The following GZF1 variants were observed in gnomAD, a reference collection of about 807,000 sequenced individuals.
GZF1 encodes GDNF inducible zinc finger protein 1.
In GZF1, 28 loss-of-function variants were observed where a neutral mutation model predicts 49.4. The ratio of observed to expected loss-of-function variants is 0.57; its 90% CI spans 0.42 to 0.78. The LOEUF is 0.78. Among genes scored for constraint, GZF1 ranks in the 30% least tolerant of loss-of-function variants. The pLI is 0.00. For synonymous variants in GZF1, 364 were observed against 356.0 expected (o/e 1.02, Z -0.25); for missense variants, 798 against 916.2 (o/e 0.87, Z 1.67).
Position 23,362,654 on chromosome 20 carries a change from C to A in GZF1, c.-22+417C>A, listed in dbSNP as rs1980815398. 2.0e-5 allele frequency: 3 copies of A among 152,124 alleles called. No individual in the cohort carries two copies. In the South Asian group the frequency reaches 6.2e-4, roughly 32 times the overall value. The allele number at this position is 152,124 out of a possible 1,614,324, so 9.4% of individuals were successfully genotyped here. On this transcript the variant is annotated intron_variant, in intron 1 of 5. Coordinates refer to ENST00000338121, the MANE Select transcript of GZF1 (RefSeq NM_022482.5). ...GGAAGGGCTCTGGCCCCGTGAGCCT[C>A]GGGGATTCAGGGGCCGCCGACGTTG...
At chr20:23,363,819 T>C (rs780215435) in intron 1 of GZF1, among the ~76,000 whole-genome samples, 17 of 152,198 alleles carry the variant, frequency 1.1e-4, no homozygotes, top group Non-Finnish European at 2.1e-4. Context: ...CTGAGGAGTT[T>C]AGGATGTTGG....
rs1036626041 is a variant in GZF1 at position 23,372,325 on chromosome 20, CAT to C, written c.*1888_*1889del. 1.6e-4 allele frequency: 24 copies of C among 152,386 alleles called. No homozygotes were observed. The highest frequency in any genetic ancestry group is 4.1e-4 in the African/African-American group (17 of 41,552). 9.4% of individuals were successfully genotyped at this position (152,386 alleles called of 1,614,324 possible). A position where few individuals can be genotyped will look rare whatever the true frequency, so the allele number is the denominator to read the frequency against. ...GCAGAAATATGATTCTTAATTGAAA[CAT>C]ATAATTTGCTTAATTACGTGAATAA... On this transcript the variant is annotated 3_prime_UTR_variant, in exon 6 of 6. Coordinates refer to ENST00000338121, the MANE Select transcript of GZF1 (RefSeq NM_022482.5).
chr20:23,364,671 T>G lies in GZF1; in HGVS notation c.288T>G (p.Thr96=). Residue 96 remains threonine (T), a synonymous_variant, in exon 2 of 6, where the codon ACT becomes ACG. Transcript: ENST00000338121. Reference sequence around the variant, plus strand: ...CTTCATTTCTTGAGTTTGTCTACACTGCAAAGGTACAGGTGGAAGAAGATC... The same window carrying G: ...CTTCATTTCTTGAGTTTGTCTACACGGCAAAGGTACAGGTGGAAGAAGATC... The part of the protein sequence containing the change: ...DFASFLEFVY[T]AKVQVEEDRV... 1.2e-6 allele frequency: 2 copies of G among 1,614,284 alleles called. No individual in the cohort carries two copies. Among genetic ancestry groups the G allele is most frequent in the Non-Finnish European group, 1.7e-6 (2 of 1,180,054 alleles).
At chr20:23,361,544 C>A (rs1009116062), upstream of GZF1, among the ~76,000 whole-genome samples, 51 of 152,284 alleles carry the variant, frequency 3.3e-4, 1 homozygote, top group African/African-American at 1.2e-3. Context: ...GCGCGCCGAG[C>A]CCCCCAGCAG....
Position 23,370,268 on chromosome 20 carries a change from G to C in GZF1, c.1963G>C (p.Asp655His), listed in dbSNP as rs1018396179. The change falls in exon 6 of 6, where the codon GAC becomes CAC. Residue 655 changes from aspartate (D) to histidine (H), a missense_variant. Asp to His is a moderately conservative substitution (Grantham distance 81). Coordinates refer to ENST00000338121, the MANE Select transcript of GZF1 (RefSeq NM_022482.5). ...TTTCCACAACCTGGCTGCAGTCCAAGACACTGTACCTACCATGCAGGAGAA... is the reference window on the plus strand; with the variant it reads ...TTTCCACAACCTGGCTGCAGTCCAACACACTGTACCTACCATGCAGGAGAA... ...GHFHNLAAVQ[D>H]TVPTMQENSS... The C allele has an allele frequency of 1.6e-5, 26 of 1,614,080 alleles. No individual in the cohort carries two copies. The highest frequency in any genetic ancestry group is 2.1e-5 in the Non-Finnish European group (25 of 1,180,038).
At chr20:23,367,179 T>A (rs1205377783) in intron 3 of GZF1, 82 bp downstream of exon 3, 2 of 1,007,330 alleles carry the variant, frequency 2.0e-6, no homozygotes, top group African/African-American at 3.2e-5. Flanking sequence ...AGTTGGCATC[T>A]ACCAAGGTGG....
At chr20:23,369,826 G>A (rs1981864103) in intron 5 of GZF1, 85 bp downstream of exon 5, 1 of 1,424,816 alleles carries the variant, frequency 7.0e-7, no homozygotes. Context: ...ATTCTCCAAG[G>A]TGGTTAGAGG....
Position 23,365,657 on chromosome 20 carries a change from A to G in GZF1, c.1274A>G (p.His425Arg). The change falls in exon 2 of 6, where the codon CAC (histidine) becomes CGC (arginine). Residue 425 changes from histidine (H) to arginine (R), a missense_variant. His to Arg is a conservative substitution (Grantham distance 29, BLOSUM62 0). This residue lies in a region of GZF1 where 446 missense variants were observed against 540.1 expected (regional missense o/e 0.83). Transcript: ENST00000338121. ...AGTTCCAAGACAGCGCTGCGGCTGC[A>G]CGAGCGCACACACACGGGAGACCGG... ...GLSSKTALRL[H>R]ERTHTGDRPY... The G allele has an allele frequency of 1.4e-5, 23 of 1,600,514 alleles. No individual in the cohort carries two copies. The highest frequency in any genetic ancestry group is 2.0e-5 in the Non-Finnish European group (23 of 1,178,404).
intron 5 of GZF1, 141 bp downstream of exon 5, chr20:23,369,882 C>T (rs1425197989): frequency 3.8e-5 from 39 of 1,015,440 alleles, no homozygotes; most frequent in Admixed American, 1.9e-4. Flanking sequence ...TGCAGTGGAA[C>T]GCTCACGGAA....
intron 2 of GZF1, 35 bp from the exon 3 acceptor site, chr20:23,366,968 C>T (rs1313962005): frequency 7.0e-7 from 1 of 1,425,438 alleles, no homozygotes; most frequent in Non-Finnish European, 9.9e-7. Context: ...CTTTGAAATA[C>T]ATCCTAAGTT....
At position 23,365,459 on chromosome 20, in the gene GZF1, A is replaced by C; in HGVS notation, c.1076A>C (p.Asn359Thr). The change falls in exon 2 of 6, where the codon AAC becomes ACC. Residue 359 changes from asparagine (N) to threonine (T), a missense_variant. Around this residue, in one of 3 missense-constraint regions of GZF1, gnomAD observed 446 missense variants for 540.1 expected, o/e 0.83. Coordinates refer to ENST00000338121, the MANE Select transcript of GZF1 (RefSeq NM_022482.5). Reference protein sequence around the residue: ...RCDTCGQTFANRCNLKSHQRH... With the variant: ...RCDTCGQTFATRCNLKSHQRH... Reference sequence around the variant, plus strand: ...GACACCTGCGGCCAGACCTTCGCCAACCGCTGCAACCTGAAGAGCCACCAG... The same window carrying C: ...GACACCTGCGGCCAGACCTTCGCCACCCGCTGCAACCTGAAGAGCCACCAG... The C allele has an allele frequency of 6.2e-7, 1 of 1,613,794 alleles. No homozygotes were observed. Among genetic ancestry groups the C allele is most frequent in the Non-Finnish European group, 8.5e-7 (1 of 1,180,034 alleles).
chr20:23,366,126 TG>T (rs1321017850), intron 2 of GZF1, among the ~76,000 whole-genome samples: 1 of 152,188 alleles, frequency 6.6e-6, no homozygotes, highest in East Asian at 1.9e-4. Context: ...GAGACCTCAG[TG>T]AGATGCCATT....
At position 23,370,241 on chromosome 20, in the gene GZF1, C is replaced by T. The variant is rs1490695213; in HGVS notation, c.1936C>T (p.His646Tyr). 1.2e-6 allele frequency: 2 copies of T among 1,614,176 alleles called. No homozygotes were observed. Among genetic ancestry groups the T allele is most frequent in the South Asian group, 2.2e-5 (2 of 91,080 alleles). The part of the protein sequence containing the change: ...DKLLSFAENG[H>Y]FHNLAAVQDT... ...ATTGCTGTCTTTTGCAGAAAATGGCCATTTCCACAACCTGGCTGCAGTCCA... is the reference window on the plus strand; with the variant it reads ...ATTGCTGTCTTTTGCAGAAAATGGCTATTTCCACAACCTGGCTGCAGTCCA... Residue 646 changes from histidine (H) to tyrosine (Y), a missense_variant, in exon 6 of 6, where the codon CAT (histidine) becomes TAT (tyrosine). Physicochemically the swap from His to Tyr is moderately conservative, Grantham distance 83. Transcript: ENST00000338121.
Position 23,371,573 on chromosome 20 carries a change from C to T in GZF1, c.*1132C>T, listed in dbSNP as rs993347872. 1 of 152,712 alleles carries T rather than the reference C, an allele frequency of 6.5e-6. No homozygotes were observed. The highest frequency in any genetic ancestry group is 3.4e-3 in the Middle Eastern group (1 of 294). The allele number at this position is 152,712 out of a possible 1,614,324, so 9.5% of individuals were successfully genotyped here. A position where few individuals can be genotyped will look rare whatever the true frequency, so the allele number is the denominator to read the frequency against. On this transcript the variant is annotated 3_prime_UTR_variant, in exon 6 of 6. Coordinates refer to ENST00000338121, the MANE Select transcript of GZF1 (RefSeq NM_022482.5). ...CAAATGCTTCTTTGGCTGTTTCATG[C>T]AGGACTTAATTATTGCTTTTAAAAA...
chr20:23,370,326 A>ACT lies in GZF1; in HGVS notation c.2023_2024dup (p.Val676ProfsTer19). Reference sequence around the variant, plus strand: ...GCTGACACAGCCTGCAAGGCAGATGACTCCGTGGTGTCCCAGGACACCCTC... The same window carrying ACT: ...GCTGACACAGCCTGCAAGGCAGATGACTCTCCGTGGTGTCCCAGGACACCCTC... On this transcript the variant is annotated frameshift_variant, in exon 6 of 6. Coordinates refer to ENST00000338121, the MANE Select transcript of GZF1 (RefSeq NM_022482.5). LOFTEE classifies it low-confidence loss of function (END_TRUNC). 1 of 1,613,972 alleles carries ACT rather than the reference A, an allele frequency of 6.2e-7. No homozygotes were observed. The highest frequency in any genetic ancestry group is 8.5e-7 in the Non-Finnish European group (1 of 1,179,918).
At chr20:23,366,700 T>C (rs1420669869) in intron 2 of GZF1, among the ~76,000 whole-genome samples, 1 of 152,232 alleles carries the variant, frequency 6.6e-6, no homozygotes, top group Non-Finnish European at 1.5e-5. Flanking sequence ...CTTTAGTGTT[T>C]AAAAAAATCT....
At chr20:23,362,607 G>A (rs944092879) in intron 1 of GZF1, 2 of 152,320 alleles carry the variant, frequency 1.3e-5, no homozygotes, top group Non-Finnish European at 2.9e-5. Flanking sequence ...CGTGGACTGG[G>A]CTGCGGGTAG....
Position 23,370,253 on chromosome 20 carries a change from C to T in GZF1, c.1948C>T (p.Leu650=). 2 of 1,614,248 alleles carry T rather than the reference C, an allele frequency of 1.2e-6. No individual in the cohort carries two copies. The highest frequency in any genetic ancestry group is 8.5e-7 in the Non-Finnish European group (1 of 1,180,046). Residue 650 remains leucine, a synonymous_variant, in exon 6 of 6, where the codon CTG becomes TTG. Coordinates refer to ENST00000338121, the MANE Select transcript of GZF1 (RefSeq NM_022482.5). ...TGCAGAAAATGGCCATTTCCACAACCTGGCTGCAGTCCAAGACACTGTACC... is the reference window on the plus strand; with the variant it reads ...TGCAGAAAATGGCCATTTCCACAACTTGGCTGCAGTCCAAGACACTGTACC... ...SFAENGHFHN[L]AAVQDTVPTM... is the part of the protein sequence containing the mutation.
intron 1 of GZF1, among the ~76,000 whole-genome samples, 197 bp from the exon 2 acceptor site, chr20:23,364,166 T>G (rs1981017071): frequency 6.6e-6 from 1 of 152,220 alleles, no homozygotes; most frequent in Non-Finnish European, 1.5e-5. Context: ...TCATGCCAAT[T>G]TATTACCTTA....
Sources: gnomAD v4.1 joint callset for allele counts (sites outside exome capture counted in the v4.1 genomes callset) on GRCh38, gnomAD v4.1.1 for gene constraint, gnomAD v4.1.1 regional missense constraint, MANE v1.5 for transcripts, NCBI Gene and HGNC (gene_info 2026-07-23, HGNC 2026-07-21) for gene names.